The following PCDHA3 variants were observed in gnomAD, a reference collection of about 807,000 sequenced individuals.
PCDHA3 encodes protocadherin alpha-3.
PCDHA3 carries 41 observed loss-of-function variants against 62.2 expected under a neutral mutation model. The observed-to-expected ratio is 0.66, with a 90% CI of 0.51 to 0.86. The LOEUF (loss-of-function observed/expected upper bound fraction) is 0.86, where lower values mean the gene tolerates loss of function less well. Among genes scored for constraint, PCDHA3 ranks in the 40% least tolerant of loss-of-function variants. PCDHA3 has a pLI of 0.00. For missense variants in PCDHA3, 1,304 were observed against 1,241.2 expected (o/e 1.05, Z -0.76); for synonymous variants, 640 against 555.4 (o/e 1.15, Z -2.14).
intron 3 of PCDHA3, among the ~76,000 whole-genome samples, chr5:141,000,094 C>G (rs782020096): frequency 1.3e-5 from 2 of 152,128 alleles, no homozygotes; most frequent in Non-Finnish European, 2.9e-5. Flanking sequence ...GTGAATGGAG[C>G]TCAACTCCGT....
At chr5:140,808,709 G>T in intron 1 of PCDHA3, 1 of 1,612,236 alleles carries the variant, frequency 6.2e-7, no homozygotes, top group Non-Finnish European at 8.5e-7. Flanking sequence ...GTCGAGCTAC[G>T]TTTCGGTGCA....
chr5:140,915,164 G>A (rs782783727), intron 1 of PCDHA3, among the ~76,000 whole-genome samples: 27 of 152,144 alleles, frequency 1.8e-4, no homozygotes, highest in African/African-American at 5.3e-4. Flanking sequence ...GGCCAGGATA[G>A]TCTCGATCTC....
At chr5:140,993,521 G>A (rs1554253818) in intron 3 of PCDHA3, among the ~76,000 whole-genome samples, 1 of 151,130 alleles carries the variant, frequency 6.6e-6, no homozygotes, top group African/African-American at 2.4e-5. Context: ...GGGAGAGAGA[G>A]ACAGAGAGAG....
intron 3 of PCDHA3, among the ~76,000 whole-genome samples, chr5:141,002,081 G>T (rs1016567220): frequency 3.3e-5 from 5 of 152,220 alleles, no homozygotes; most frequent in South Asian, 2.1e-4. Flanking sequence ...GCCAAAGAAC[G>T]AGCAGTCCAG....
chr5:140,966,986 C>G (rs1364396774), intron 1 of PCDHA3: 1 of 1,603,766 alleles, frequency 6.2e-7, no homozygotes, highest in African/African-American at 1.3e-5. Flanking sequence ...GCGCTTGGGG[C>G]CGGGTTGCTT....
intron 1 of PCDHA3, chr5:140,810,991 A>C (rs1764773590): frequency 1.3e-5 from 2 of 152,028 alleles, no homozygotes; most frequent in African/African-American, 4.8e-5. Flanking sequence ...AGGGGTCAAG[A>C]TTTATTTTTA....
At chr5:140,809,211 C>A (rs1554125084) in intron 1 of PCDHA3, 3 of 1,614,048 alleles carry the variant, frequency 1.9e-6, no homozygotes, top group Admixed American at 1.7e-5. Flanking sequence ...AGTGGACAGG[C>A]GCCAAAGGCC....
Position 140,843,241 on chromosome 5 carries a change from G to A in PCDHA3, c.2394+39650G>A, listed in dbSNP as rs2150355764. ...GCACCACTCGTGTCCTGGACGAAGC[G>A]GACTCTCCGCGCCACCGTCTGCTGG... On this transcript the variant is annotated intron_variant, in intron 1 of 3. Transcript: ENST00000522353. 3.1e-6 allele frequency: 5 copies of A among 1,595,826 alleles called. 1 individual carries two copies. The highest frequency in any genetic ancestry group is 2.7e-5 in the African/African-American group (2 of 74,416).
At chr5:140,995,999 G>A (rs1489207802) in intron 3 of PCDHA3, among the ~76,000 whole-genome samples, 3 of 152,198 alleles carry the variant, frequency 2.0e-5, no homozygotes, top group Admixed American at 6.5e-5. Context: ...CAAAAATGTC[G>A]TCAGAACTAT....
At chr5:140,829,903 C>G (rs782134190) in intron 1 of PCDHA3, 1 of 1,613,860 alleles carries the variant, frequency 6.2e-7, no homozygotes, top group Non-Finnish European at 8.5e-7. Flanking sequence ...CAGGCTACAA[C>G]GCGTGGCTTT....
intron 1 of PCDHA3, among the ~76,000 whole-genome samples, chr5:140,933,279 C>T (rs992723234): frequency 6.6e-6 from 1 of 151,840 alleles, no homozygotes; most frequent in African/African-American, 2.4e-5. Flanking sequence ...TCATTTGGAA[C>T]TTGTTTTGGA....
chr5:140,997,698 A>G (rs1587762890), intron 3 of PCDHA3, among the ~76,000 whole-genome samples: 4 of 145,560 alleles, frequency 2.7e-5, no homozygotes, highest in South Asian at 2.2e-4. Context: ...GTGTGTGTGT[A>G]TGTTAACAAA....
chr5:140,841,813 T>C (rs2150323306), intron 1 of PCDHA3: 1 of 1,613,920 alleles, frequency 6.2e-7, no homozygotes, highest in Non-Finnish European at 8.5e-7. Context: ...ATGTTGGAGC[T>C]AACTCCGTGT....
chr5:140,951,703 C>T (rs1000873823), intron 1 of PCDHA3, among the ~76,000 whole-genome samples: 3 of 152,110 alleles, frequency 2.0e-5, no homozygotes, highest in Non-Finnish European at 2.9e-5. Context: ...GAGCTTTGGG[C>T]GGGGACACAG....
Position 140,871,175 on chromosome 5 carries a change from C to T in PCDHA3, c.2394+67584C>T, listed in dbSNP as rs782460096. ...GCGGGCGCCGCGAGCCCAGAGGCTG[C>T]GCTGGTGGATGTCAACGTGTACCTG... is the stretch of plus-strand genomic sequence containing the variant. On this transcript the variant is annotated intron_variant, in intron 1 of 3. Transcript: ENST00000522353. 8 of 1,613,402 alleles carry T rather than the reference C, an allele frequency of 5.0e-6. No individual in the cohort carries two copies. In the African/African-American group the frequency reaches 5.3e-5, roughly 11 times the overall value.
At chr5:140,828,166 G>T (rs2150151678) in intron 1 of PCDHA3, 1 of 1,614,182 alleles carries the variant, frequency 6.2e-7, no homozygotes, top group Non-Finnish European at 8.5e-7. Context: ...CAGCCTGGAA[G>T]GTGGGGAGCG....
At chr5:140,817,750 T>A (rs2150098964) in intron 1 of PCDHA3, among the ~76,000 whole-genome samples, 4 of 152,246 alleles carry the variant, frequency 2.6e-5, no homozygotes, top group Non-Finnish European at 5.9e-5. Context: ...ATCATTTTCC[T>A]TCTGAAGAAA....
chr5:140,876,867 G>A, intron 1 of PCDHA3: 1 of 1,614,152 alleles, frequency 6.2e-7, no homozygotes, highest in Non-Finnish European at 8.5e-7. Context: ...TGTTCGTGAA[G>A]GAGAACAACC....
In PCDHA3 at chr5:141,010,888, T is replaced by C. The variant is rs1419215366; in HGVS notation, c.*951T>C. The stretch of plus-strand genomic sequence containing the variant: ...AGCTATAAATCTTTAAAGAGAAATA[T>C]GAATACAATTCCCCTAAACTCTCCT... On this transcript the variant is annotated 3_prime_UTR_variant, in exon 4 of 4. Transcript: ENST00000522353. The C allele has an allele frequency of 3.9e-5, 6 of 153,866 alleles. 1 individual carries two copies. The highest frequency in any genetic ancestry group is 1.4e-4 in the African/African-American group (6 of 41,562). The allele number at this position is 153,866 out of a possible 1,614,324, so 9.5% of individuals were successfully genotyped here. A position where few individuals can be genotyped will look rare whatever the true frequency, so the allele number is the denominator to read the frequency against.
Sources: gnomAD v4.1 joint callset for allele counts (sites outside exome capture counted in the v4.1 genomes callset) on GRCh38, gnomAD v4.1.1 for gene constraint, MANE v1.5 for transcripts, NCBI Gene and HGNC (gene_info 2026-07-23, HGNC 2026-07-21) for gene names.